The following CNTNAP2 variants were observed in gnomAD, a reference collection of about 807,000 sequenced individuals.
CNTNAP2 encodes the protein contactin-associated protein-like 2.
CNTNAP2 carries 98 observed loss-of-function variants against 155.2 expected under a neutral mutation model. The ratio of observed to expected loss-of-function variants is 0.63; its 90% CI spans 0.54 to 0.75. The LOEUF (loss-of-function observed/expected upper bound fraction) is 0.75. Among genes scored for constraint, CNTNAP2 ranks in the 30% least tolerant of loss-of-function variants. The pLI is 0.00. For missense variants in CNTNAP2, 1,727 were observed against 1,688.1 expected, an observed-to-expected ratio of 1.02 and a Z score of -0.40; for synonymous variants, 651 against 631.2, an observed-to-expected ratio of 1.03 and a Z score of -0.47.
chr7:147,287,801 T>A (rs1329444470), intron 8 of CNTNAP2, among the ~76,000 whole-genome samples: 1 of 152,076 alleles, frequency 6.6e-6, no homozygotes, highest in Non-Finnish European at 1.5e-5. Flanking sequence ...AAGTTACAGA[T>A]CTATTTCTCA....
intron 13 of CNTNAP2, among the ~76,000 whole-genome samples, chr7:147,753,297 C>CTATG (rs1424461216): frequency 6.6e-6 from 1 of 152,198 alleles, no homozygotes; most frequent in African/African-American, 2.4e-5. Context: ...CTACCTGTCA[C>CTATG]TATGCACAGC....
rs139124083 is a variant in CNTNAP2 at position 147,809,625 on chromosome 7, C to T, written c.2099-93940C>T. On this transcript the variant is annotated intron_variant, in intron 13 of 23. Transcript: ENST00000361727. ...ACCTTCTCCTAGACCAGCTTTTCTGCGTCATTATTTTTCTTTTTTGTCTTC... is the reference window on the plus strand; with the variant it reads ...ACCTTCTCCTAGACCAGCTTTTCTGTGTCATTATTTTTCTTTTTTGTCTTC... 4.9e-3 allele frequency among the ~76,000 whole-genome samples: 744 copies of T among 152,232 alleles called. 5 individuals are homozygous for T. Among genetic ancestry groups the T allele is most frequent in the Non-Finnish European group, 7.9e-3 (539 of 68,002 alleles).
In CNTNAP2 at chr7:147,321,829, C is replaced by T. The variant is rs538161140; in HGVS notation, c.1498+21539C>T. Among the ~76,000 whole-genome samples the T allele has an allele frequency of 1.9e-4, 29 of 152,262 alleles. 2 individuals are homozygous for T. The South Asian group carries it at 3.3e-3, about 17-fold the overall frequency. On this transcript the variant is annotated intron_variant, in intron 9 of 23. Coordinates refer to ENST00000361727, the MANE Select transcript of CNTNAP2 (RefSeq NM_014141.6). The stretch of plus-strand genomic sequence containing the variant: ...GCCTGGTGTCCACCACAGGCAATTC[C>T]ATATGCTTTTTAGGCTTTGTCACAC...
chr7:146,537,642 T>G (rs985811269), intron 1 of CNTNAP2, among the ~76,000 whole-genome samples: 6 of 152,064 alleles, frequency 3.9e-5, no homozygotes, highest in African/African-American at 1.4e-4. Context: ...AAGATGTCAC[T>G]GAGTAGATGG....
At chr7:146,534,818 C>A (rs1329226767) in intron 1 of CNTNAP2, among the ~76,000 whole-genome samples, 2 of 151,308 alleles carry the variant, frequency 1.3e-5, no homozygotes, top group Non-Finnish European at 2.9e-5. Flanking sequence ...GAGTCTAAAT[C>A]CAAGCTGAGC....
chr7:147,597,539 G>C (rs1563014581), intron 12 of CNTNAP2, among the ~76,000 whole-genome samples: 1 of 152,120 alleles, frequency 6.6e-6, no homozygotes. Context: ...TGAAGGTCAA[G>C]TCCATGTCTG....
At chr7:146,602,987 G>A (rs1051273620) in intron 1 of CNTNAP2, among the ~76,000 whole-genome samples, 4 of 148,364 alleles carry the variant, frequency 2.7e-5, no homozygotes, top group East Asian at 2.0e-4. Context: ...CATTAGAAGT[G>A]TGGCAAGATA....
At chr7:147,301,612 G>C (rs906654154) in intron 9 of CNTNAP2, among the ~76,000 whole-genome samples, 1,626 of 135,448 alleles carry the variant, frequency 0.012, 41 homozygotes, top group African/African-American at 0.039. Flanking sequence ...GTGTGTGTGT[G>C]TGTGTGTGTG....
intron 14 of CNTNAP2, among the ~76,000 whole-genome samples, chr7:147,957,058 G>A (rs1473503131): frequency 6.6e-6 from 1 of 152,178 alleles, no homozygotes; most frequent in African/African-American, 2.4e-5. Context: ...GGTTTTCCAA[G>A]TAATGTCACT....
At chr7:147,637,189 A>G (rs1795194774) in intron 12 of CNTNAP2, among the ~76,000 whole-genome samples, 1 of 152,104 alleles carries the variant, frequency 6.6e-6, no homozygotes, top group Non-Finnish European at 1.5e-5. Context: ...AATCTCACTT[A>G]TATTTGAAAA....
chr7:147,866,070 A>C (rs1292526366), intron 13 of CNTNAP2, among the ~76,000 whole-genome samples: 1 of 152,084 alleles, frequency 6.6e-6, no homozygotes, highest in East Asian at 1.9e-4. Context: ...AGTGCTATAA[A>C]TTTCCCTCTA....
rs57395379 is a variant in CNTNAP2, at chr7:147,635,184, C to CTATATATATATATATATATA, written c.1898-3905_1898-3904insATATATATATATATATATAT. Among the ~76,000 whole-genome samples, 253 of 137,090 alleles carry CTATATATATATATATATATA rather than the reference C, an allele frequency of 1.8e-3. 9 individuals are homozygous for CTATATATATATATATATATA. The highest frequency in any genetic ancestry group is 7.5e-3 in the African/African-American group (239 of 32,048). The allele number at this position is 137,090 out of a possible 152,430, so 89.9% of individuals were successfully genotyped here. A position where few individuals can be genotyped will look rare whatever the true frequency, so the allele number is the denominator to read the frequency against. Reference sequence around the variant, plus strand: ...TCTCCCAGCCATTATCACTGGCAAACTATATATATATATATATGTTTAATT... The same window carrying CTATATATATATATATATATA: ...TCTCCCAGCCATTATCACTGGCAAACTATATATATATATATATATATATATATATATATATATGTTTAATT... On this transcript the variant is annotated intron_variant, in intron 12 of 23. Transcript: ENST00000361727.
At chr7:146,364,826 G>A (rs1337620848) in intron 1 of CNTNAP2, among the ~76,000 whole-genome samples, 3 of 152,166 alleles carry the variant, frequency 2.0e-5, no homozygotes, top group African/African-American at 7.2e-5. Flanking sequence ...CTTTGAACAT[G>A]CAATTCAGAG....
chr7:146,211,634 A>C (rs1799037169), intron 1 of CNTNAP2, among the ~76,000 whole-genome samples: 1 of 152,168 alleles, frequency 6.6e-6, no homozygotes, highest in Non-Finnish European at 1.5e-5. Context: ...AAAATATTAG[A>C]GTTCCATATA....
At chr7:146,595,055 T>G (rs1798840078) in intron 1 of CNTNAP2, among the ~76,000 whole-genome samples, 1 of 152,094 alleles carries the variant, frequency 6.6e-6, no homozygotes, top group African/African-American at 2.4e-5. Flanking sequence ...AACCACTGGC[T>G]TGAAACTTCC....
chr7:147,357,528 T>A (rs535898129), intron 9 of CNTNAP2, among the ~76,000 whole-genome samples: 12 of 141,742 alleles, frequency 8.5e-5, no homozygotes, highest in Non-Finnish European at 1.5e-5. Flanking sequence ...ATTTTAATAA[T>A]TTTTTTTTGC....
chr7:148,262,064 G>C (rs1796572721), intron 20 of CNTNAP2, among the ~76,000 whole-genome samples: 1 of 152,186 alleles, frequency 6.6e-6, no homozygotes, highest in South Asian at 2.1e-4. Flanking sequence ...TTGACGCAAA[G>C]GGACCCATAT....
chr7:146,684,657 A>AAAAAAAAAAAC, intron 1 of CNTNAP2, among the ~76,000 whole-genome samples: 3 of 151,384 alleles, frequency 2.0e-5, no homozygotes, highest in Non-Finnish European at 2.9e-5. Context: ...AAAAAAAAAA[A>AAAAAAAAAAAC]AAGCTGGAGG....
intron 13 of CNTNAP2, among the ~76,000 whole-genome samples, chr7:147,896,639 T>C (rs1351417582): frequency 6.6e-6 from 1 of 152,066 alleles, no homozygotes; most frequent in Non-Finnish European, 1.5e-5. Context: ...GCCAGTTTAT[T>C]GATCTGGGTG....
Sources: allele counts gnomAD v4.1 joint callset (sites outside exome capture counted in the v4.1 genomes callset), GRCh38; gene constraint gnomAD v4.1.1; transcripts MANE v1.5; gene names NCBI Gene and HGNC (gene_info 2026-07-23, HGNC 2026-07-21).